Variants in CNTNAP5 observed in about 807,000 individuals in gnomAD.
CNTNAP5 encodes the protein contactin-associated protein-like 5.
Under a neutral mutation model 150.2 loss-of-function variants are expected in CNTNAP5, and 72 were observed. The ratio of observed to expected loss-of-function variants is 0.48; its 90% CI spans 0.40 to 0.58. CNTNAP5 has a LOEUF of 0.58. CNTNAP5 is among the 20% of genes least tolerant of loss of function. CNTNAP5 has a pLI of 0.00. For missense variants in CNTNAP5, 1,636 were observed against 1,626.2 expected (o/e 1.01, Z -0.10); for synonymous variants, 672 against 619.8 (o/e 1.08, Z -1.25).
chr2:124,266,520 C>A (rs1443895081), intron 3 of CNTNAP5, among the ~76,000 whole-genome samples: 2 of 152,088 alleles, frequency 1.3e-5, no homozygotes, highest in Admixed American at 6.6e-5. Context: ...CATAAAATCT[C>A]ATTTTCTTTA....
intron 1 of CNTNAP5, among the ~76,000 whole-genome samples, chr2:124,168,671 G>A (rs1684861190): frequency 6.6e-6 from 1 of 152,122 alleles, no homozygotes; most frequent in Non-Finnish European, 1.5e-5. Context: ...GAATTGTTTA[G>A]CACCATTTAT....
chr2:124,357,312 T>G (rs1256071750), intron 3 of CNTNAP5, among the ~76,000 whole-genome samples: 1 of 152,228 alleles, frequency 6.6e-6, no homozygotes, highest in Non-Finnish European at 1.5e-5. Context: ...TTACTTTAAT[T>G]AGATCCCATT....
chr2:124,049,689 G>A (rs1681639163), intron 1 of CNTNAP5, among the ~76,000 whole-genome samples: 1 of 152,048 alleles, frequency 6.6e-6, no homozygotes, highest in Admixed American at 6.5e-5. Context: ...TTAAGGAGAG[G>A]GCTAAAGAAG....
intron 3 of CNTNAP5, among the ~76,000 whole-genome samples, chr2:124,310,327 G>A (rs914540974): frequency 6.6e-6 from 1 of 152,014 alleles, no homozygotes; most frequent in Non-Finnish European, 1.5e-5. Flanking sequence ...AAAGGAGGGA[G>A]GAGGAAGGTG....
intron 5 of CNTNAP5, among the ~76,000 whole-genome samples, chr2:124,439,411 A>G (rs1470972190): frequency 6.6e-6 from 1 of 152,220 alleles, no homozygotes; most frequent in Non-Finnish European, 1.5e-5. Flanking sequence ...TAGCTTGGTT[A>G]TATTAATTGG....
At chr2:124,784,195 G>A (rs937913735) in intron 17 of CNTNAP5, among the ~76,000 whole-genome samples, 1 of 152,120 alleles carries the variant, frequency 6.6e-6, no homozygotes, top group African/African-American at 2.4e-5. Flanking sequence ...ATGGAAAGGT[G>A]GCACTGTACT....
At chr2:124,587,836 T>C (rs1442132644) in intron 11 of CNTNAP5, among the ~76,000 whole-genome samples, 2 of 152,134 alleles carry the variant, frequency 1.3e-5, no homozygotes, top group Non-Finnish European at 2.9e-5. Flanking sequence ...TTAACTTACA[T>C]AGTTACATGA....
intron 6 of CNTNAP5, among the ~76,000 whole-genome samples, chr2:124,469,010 C>T (rs752020891): frequency 2.0e-5 from 3 of 152,198 alleles, no homozygotes; most frequent in African/African-American, 7.2e-5. Flanking sequence ...GGAGGCAGTA[C>T]CTTTCTGTGT....
At chr2:124,633,010 C>A (rs1254668314) in intron 12 of CNTNAP5, among the ~76,000 whole-genome samples, 1 of 152,062 alleles carries the variant, frequency 6.6e-6, no homozygotes, top group Non-Finnish European at 1.5e-5. Flanking sequence ...AAAACCCACC[C>A]CATGATCCAG....
chr2:124,781,655 C>T (rs557479805), intron 17 of CNTNAP5, among the ~76,000 whole-genome samples: 55 of 144,078 alleles, frequency 3.8e-4, no homozygotes, highest in Non-Finnish European at 7.6e-4. Context: ...GGGTACTCAA[C>T]GTGGACACTG....
chr2:124,559,606 A>G (rs548829124), intron 10 of CNTNAP5, among the ~76,000 whole-genome samples: 12 of 152,346 alleles, frequency 7.9e-5, no homozygotes, highest in Non-Finnish European at 1.3e-4. Flanking sequence ...CACCTAAAAG[A>G]GTGAGTGCCC....
At chr2:124,042,758 C>T (rs750442272) in intron 1 of CNTNAP5, among the ~76,000 whole-genome samples, 5 of 151,878 alleles carry the variant, frequency 3.3e-5, no homozygotes, top group Non-Finnish European at 5.9e-5. Context: ...TGTAGACCCC[C>T]TCTTGCATAA....
At chr2:124,551,084 G>A (rs1695616773) in intron 10 of CNTNAP5, among the ~76,000 whole-genome samples, 3 of 152,060 alleles carry the variant, frequency 2.0e-5, no homozygotes, top group Admixed American at 1.3e-4. Context: ...CTGTTCAGTG[G>A]CCTTCACTGG....
At chr2:124,145,604 T>C (rs1461192165) in intron 1 of CNTNAP5, among the ~76,000 whole-genome samples, 3 of 57,464 alleles carry the variant, frequency 5.2e-5, no homozygotes, top group African/African-American at 2.3e-4. Context: ...TGAGATCACA[T>C]GGACACAGGA....
intron 6 of CNTNAP5, among the ~76,000 whole-genome samples, chr2:124,473,672 T>G (rs1693573327): frequency 6.6e-6 from 1 of 151,950 alleles, no homozygotes; most frequent in Admixed American, 6.6e-5. Flanking sequence ...AGTATCCAAA[T>G]ATAGATATAG....
chr2:124,761,884 C>T (rs757518205), intron 14 of CNTNAP5, among the ~76,000 whole-genome samples: 16 of 152,094 alleles, frequency 1.1e-4, no homozygotes, highest in Non-Finnish European at 2.4e-4. Flanking sequence ...GACACAAAAA[C>T]ATCAAACTTT....
chr2:124,832,808 G>GA (rs1330589777), intron 19 of CNTNAP5, among the ~76,000 whole-genome samples: 2 of 151,788 alleles, frequency 1.3e-5, no homozygotes, highest in Admixed American at 6.6e-5. Flanking sequence ...CAAGTAGGCA[G>GA]AAAAAATAAT....
intron 3 of CNTNAP5, among the ~76,000 whole-genome samples, chr2:124,381,854 G>A (rs1479994548): frequency 2.0e-5 from 3 of 152,008 alleles, no homozygotes; most frequent in East Asian, 1.9e-4. Context: ...TGGGACACAC[G>A]ACAGAGCCCT....
At chr2:124,276,289 A>G (rs983483897) in intron 3 of CNTNAP5, among the ~76,000 whole-genome samples, 4 of 152,218 alleles carry the variant, frequency 2.6e-5, no homozygotes, top group Non-Finnish European at 4.4e-5. Context: ...GCCTAAGGGC[A>G]TATCAGGCAC....
Sources: gnomAD v4.1 joint callset for allele counts (sites outside exome capture counted in the v4.1 genomes callset) on GRCh38, gnomAD v4.1.1 for gene constraint, MANE v1.5 for transcripts, NCBI Gene and HGNC (gene_info 2026-07-23, HGNC 2026-07-21) for gene names.